The following CBLB variants were observed in gnomAD, a reference collection of about 807,000 sequenced individuals.
CBLB encodes E3 ubiquitin-protein ligase CBL-B.
CBLB carries 31 observed loss-of-function variants against 104.9 expected under a neutral mutation model. That is an observed-to-expected ratio of 0.30 (90% CI 0.22 to 0.40). The LOEUF is 0.40. CBLB is among the 10% of genes least tolerant of loss of function. The probability of loss-of-function intolerance (pLI) is 1.00; values close to 1 mark genes in which losing one functional copy is unlikely to be tolerated. For missense variants in CBLB, 1,062 were observed against 1,214.6 expected (o/e 0.87, Z 1.87); for synonymous variants, 440 against 422.6 (o/e 1.04, Z -0.51).
At chr3:105,668,241 G>C (rs949142723) in intron 18 of CBLB, among the ~76,000 whole-genome samples, 2 of 152,100 alleles carry the variant, frequency 1.3e-5, no homozygotes, top group African/African-American at 4.8e-5. Context: ...TTTCAACAAG[G>C]TTTGTGATTT....
chr3:105,725,964 G>C (rs1379728785), intron 9 of CBLB, among the ~76,000 whole-genome samples: 1 of 151,918 alleles, frequency 6.6e-6, no homozygotes, highest in Non-Finnish European at 1.5e-5. Context: ...ATTCACCTGT[G>C]CCTCAGCCTC....
At chr3:105,706,350 T>G (rs1219586444) in intron 10 of CBLB, among the ~76,000 whole-genome samples, 1 of 152,196 alleles carries the variant, frequency 6.6e-6, no homozygotes, top group Non-Finnish European at 1.5e-5. Context: ...TCTTTTTCAT[T>G]TCTTTTAGCT....
intron 3 of CBLB, among the ~76,000 whole-genome samples, chr3:105,780,799 A>G (rs1300354017): frequency 1.3e-5 from 2 of 151,204 alleles, no homozygotes; most frequent in Admixed American, 6.6e-5. Context: ...AGTAGCTGGG[A>G]CTACAGGCGC....
At chr3:105,783,245 C>T (rs1560220865) in intron 3 of CBLB, among the ~76,000 whole-genome samples, 1 of 150,604 alleles carries the variant, frequency 6.6e-6, no homozygotes, top group Non-Finnish European at 1.5e-5. Flanking sequence ...AATAAAAATA[C>T]ATAAGACATG....
At chr3:105,686,157 A>G (rs1398504452) in intron 13 of CBLB, among the ~76,000 whole-genome samples, 1 of 152,194 alleles carries the variant, frequency 6.6e-6, no homozygotes, top group African/African-American at 2.4e-5. Context: ...CCATCACCTA[A>G]TATCAAAAAC....
At chr3:105,734,909 T>C (rs1254362146) in intron 8 of CBLB, among the ~76,000 whole-genome samples, 3 of 152,138 alleles carry the variant, frequency 2.0e-5, no homozygotes, top group Admixed American at 1.3e-4. Flanking sequence ...CAGTAAAATT[T>C]TCAAAATTCA....
At position 105,793,514 on chromosome 3, in the gene CBLB, G is replaced by A. The variant is rs983414473; in HGVS notation, c.420-16972C>T. ...AAAAAAAAAAAAAGGAAGGGGGAGGGATTGACATAGGACTCTTATTTAGTT... is the reference window on the plus strand; with the variant it reads ...AAAAAAAAAAAAAGGAAGGGGGAGGAATTGACATAGGACTCTTATTTAGTT... On this transcript the variant is annotated intron_variant, in intron 3 of 18. Coordinates refer to ENST00000394030, the MANE Select transcript of CBLB (RefSeq NM_170662.5). Among the ~76,000 whole-genome samples, 4 of 147,964 alleles carry A rather than the reference G, an allele frequency of 2.7e-5. No individual in the cohort carries two copies. The East Asian group carries it at 5.9e-4, about 22-fold the overall frequency.
intron 3 of CBLB, among the ~76,000 whole-genome samples, chr3:105,796,340 G>C (rs62261539): frequency 0.067 from 10,223 of 152,120 alleles, 505 homozygotes; most frequent in Admixed American, 0.15. Flanking sequence ...ACAAGCAATG[G>C]AGAAAGAACT....
intron 3 of CBLB, among the ~76,000 whole-genome samples, chr3:105,850,200 G>A (rs191391910): frequency 1.1e-3 from 172 of 152,172 alleles, no homozygotes; most frequent in African/African-American, 4.0e-3. Context: ...AATTGAGAGA[G>A]AAAATTATAA....
At chr3:105,811,508 A>T (rs549132479) in intron 3 of CBLB, among the ~76,000 whole-genome samples, 1 of 152,240 alleles carries the variant, frequency 6.6e-6, no homozygotes, top group Admixed American at 6.5e-5. Context: ...CAATGCATGC[A>T]TAACTAGAGA....
Position 105,685,351 on chromosome 3 carries a change from A to G in CBLB, c.2170T>C (p.Ser724Pro). Reference protein sequence around the residue: ...SHPVSLNSQPSHCHNVKPPVR... With the variant: ...SHPVSLNSQPPHCHNVKPPVR... ...GGAGGTTTTACATTATGACAATGAG[A>G]TGGTTGTGAATTCAGGGAAACAGGG... Residue 724 changes from serine to proline, a missense_variant, in exon 14 of 19, where the codon TCT becomes CCT. Ser to Pro is a moderately conservative substitution (Grantham distance 74). Around this residue, in one of 2 missense-constraint regions of CBLB, gnomAD observed 605 missense variants for 582.6 expected, o/e 1.04. Coordinates refer to ENST00000394030, the MANE Select transcript of CBLB (RefSeq NM_170662.5). The G allele has an allele frequency of 1.2e-6, 2 of 1,613,870 alleles. No homozygotes were observed. Among genetic ancestry groups the G allele is most frequent in the Non-Finnish European group, 1.7e-6 (2 of 1,179,842 alleles).
At chr3:105,806,820 T>C (rs980283345) in intron 3 of CBLB, among the ~76,000 whole-genome samples, 1 of 152,198 alleles carries the variant, frequency 6.6e-6, no homozygotes, top group Non-Finnish European at 1.5e-5. Flanking sequence ...CTTAGAAAAC[T>C]AAATCTTAAT....
At chr3:105,789,901 G>A (rs75831288) in intron 3 of CBLB, among the ~76,000 whole-genome samples, 3,370 of 152,108 alleles carry the variant, frequency 0.022, 86 homozygotes, top group East Asian at 0.12. Flanking sequence ...TTTTTTTAGC[G>A]TAATTCTTTC....
At chr3:105,825,802 C>T (rs1463261969) in intron 3 of CBLB, among the ~76,000 whole-genome samples, 1 of 152,148 alleles carries the variant, frequency 6.6e-6, no homozygotes, top group Non-Finnish European at 1.5e-5. Context: ...GGCTTGAATA[C>T]AAAATAGCAT....
At chr3:105,682,917 T>C (rs898521142) in intron 14 of CBLB, among the ~76,000 whole-genome samples, 2 of 152,234 alleles carry the variant, frequency 1.3e-5, no homozygotes, top group African/African-American at 2.4e-5. Flanking sequence ...CTTCAGCATA[T>C]AGCTCTATAA....
intron 6 of CBLB, among the ~76,000 whole-genome samples, chr3:105,741,095 G>GTGT (rs1553758207): frequency 4.6e-5 from 5 of 108,200 alleles, no homozygotes; most frequent in South Asian, 3.4e-4. Flanking sequence ...AAAAATTAGG[G>GTGT]TTTTTTTTTT....
chr3:105,665,416 AATAT>A (rs71111381), intron 18 of CBLB, among the ~76,000 whole-genome samples: 41 of 98,650 alleles, frequency 4.2e-4, no homozygotes, highest in Middle Eastern at 5.2e-3. Context: ...TAAATAAATA[AATAT>A]ATATATATAT....
intron 10 of CBLB, among the ~76,000 whole-genome samples, chr3:105,708,838 T>C (rs2070630002): frequency 6.6e-6 from 1 of 152,032 alleles, no homozygotes; most frequent in Non-Finnish European, 1.5e-5. Context: ...TAAATGCTGA[T>C]GTAAAATATT....
At chr3:105,856,365 A>AG (rs895568278) in intron 2 of CBLB, among the ~76,000 whole-genome samples, 8 of 151,410 alleles carry the variant, frequency 5.3e-5, no homozygotes, top group African/African-American at 1.9e-4. Flanking sequence ...AAAAAAAAAA[A>AG]AAAGAAAAGG....
Sources: gnomAD v4.1 joint callset for allele counts (sites outside exome capture counted in the v4.1 genomes callset) on GRCh38, gnomAD v4.1.1 for gene constraint, gnomAD v4.1.1 regional missense constraint, MANE v1.5 for transcripts, NCBI Gene and HGNC (gene_info 2026-07-23, HGNC 2026-07-21) for gene names.